RAD54L2: variants seen among roughly 807,000 people sequenced by gnomAD.
RAD54L2 encodes RAD54 like 2.
A neutral mutation model predicts 138.4 loss-of-function variants in RAD54L2; 27 were observed. The ratio of observed to expected loss-of-function variants is 0.20; its 90% confidence interval spans 0.14 to 0.27. RAD54L2 has a LOEUF of 0.27. RAD54L2 is among the 10% of genes least tolerant of loss of function. RAD54L2 has a pLI of 1.00. For missense variants in RAD54L2, 1,396 were observed against 1,890.2 expected (o/e 0.74, Z 4.85); for synonymous variants, 644 against 723.2 (o/e 0.89, Z 1.76).
At chr3:51,609,999 G>C (rs1700293181) in intron 3 of RAD54L2, among the ~76,000 whole-genome samples, 1 of 151,990 alleles carries the variant, frequency 6.6e-6, no homozygotes, top group African/African-American at 2.4e-5. Flanking sequence ...AGCCGGGCGT[G>C]GCGGCAGGCG....
At position 51,666,619 on chromosome 3, in the gene RAD54L2, A is replaced by G. The variant is rs1261450876; in HGVS notation, c.*3199A>G. 1.3e-5 allele frequency: 2 copies of G among 152,230 alleles called. No homozygotes were observed. Among genetic ancestry groups the G allele is most frequent in the East Asian group, 1.9e-4 (1 of 5,204 alleles). 9.4% of individuals were successfully genotyped at this position (152,230 alleles called of 1,614,324 possible). A position where few individuals can be genotyped will look rare whatever the true frequency, so the allele number is the denominator to read the frequency against. ...GATTTCCTTTTCTTAATATATTTGT[A>G]GATAAAAATTGAACAGGGACAAAGT... On this transcript the variant is annotated 3_prime_UTR_variant, in exon 23 of 23. Transcript: ENST00000684192.
At chr3:51,548,683 A>G (rs1698760311) in intron 2 of RAD54L2, among the ~76,000 whole-genome samples, 1 of 152,166 alleles carries the variant, frequency 6.6e-6, no homozygotes, top group Non-Finnish European at 1.5e-5. Context: ...TGTCCTCATA[A>G]GATATTGTTA....
chr3:51,627,813 A>C, intron 4 of RAD54L2, 59 bp downstream of exon 4: 1 of 1,573,132 alleles, frequency 6.4e-7, no homozygotes, highest in South Asian at 1.1e-5. Context: ...CCTTCATCTT[A>C]AGGCTGTCAA....
chr3:51,640,742 C>G (rs1282217282), intron 14 of RAD54L2, among the ~76,000 whole-genome samples: 2 of 152,174 alleles, frequency 1.3e-5, no homozygotes, highest in Non-Finnish European at 2.9e-5. Flanking sequence ...TGGAAGCAGT[C>G]GAGTGATTTT....
At chr3:51,567,941 C>CAAAAA (rs763939768) in intron 2 of RAD54L2, among the ~76,000 whole-genome samples, 1 of 81,688 alleles carries the variant, frequency 1.2e-5, no homozygotes, top group African/African-American at 4.5e-5. Flanking sequence ...GACCCTGTCT[C>CAAAAA]AAAAAAAAAA....
intron 2 of RAD54L2, among the ~76,000 whole-genome samples, chr3:51,575,758 G>A (rs1369643673): frequency 6.6e-6 from 1 of 152,170 alleles, no homozygotes; most frequent in East Asian, 1.9e-4. Flanking sequence ...CTGAGACAAT[G>A]GGGTTTTCTA....
chr3:51,632,429 G>C (rs1700871137), intron 7 of RAD54L2, among the ~76,000 whole-genome samples: 1 of 152,110 alleles, frequency 6.6e-6, no homozygotes, highest in African/African-American at 2.4e-5. Flanking sequence ...AAGTAGCTGG[G>C]ATTACAGTTG....
intron 2 of RAD54L2, among the ~76,000 whole-genome samples, chr3:51,589,665 C>CATATAT (rs34093585): frequency 7.0e-5 from 9 of 127,950 alleles, no homozygotes; most frequent in Admixed American, 2.6e-4. Flanking sequence ...GGACTCTATA[C>CATATAT]ATATATATAT....
intron 3 of RAD54L2, among the ~76,000 whole-genome samples, chr3:51,595,014 G>C (rs940587620): frequency 1.3e-5 from 2 of 151,542 alleles, no homozygotes; most frequent in Non-Finnish European, 2.9e-5. Context: ...ACAGGCACGC[G>C]CCACCACATC....
chr3:51,630,166 C>A (rs1577439705), intron 5 of RAD54L2, 106 bp from the exon 6 acceptor site: 3 of 805,166 alleles, frequency 3.7e-6, no homozygotes. Context: ...TCAGTGGATA[C>A]TCCCCATGAG....
At chr3:51,633,817 C>T (rs1357292735) in intron 8 of RAD54L2, 58 bp downstream of exon 8, 72 of 1,604,800 alleles carry the variant, frequency 4.5e-5, no homozygotes, top group Non-Finnish European at 5.7e-5. Context: ...TGTGTTAATG[C>T]CTTTACTGGG....
rs368101580 is a variant in RAD54L2, at chr3:51,590,465, G to A, written c.45G>A (p.Pro15=). 1.3e-5 allele frequency: 20 copies of A among 1,551,680 alleles called. No individual in the cohort carries two copies. Among genetic ancestry groups the A allele is most frequent in the East Asian group, 2.4e-5 (1 of 40,940 alleles). ...SASGSDPDLD[P]DVELEDAEEE... ...CAGGGAGCGATCCAGACCTGGACCC[G>A]GACGTGGAGCTGGAGGATGCGGAAG... Residue 15 remains proline (P), a synonymous_variant, in exon 3 of 23, where the codon CCG becomes CCA. Transcript: ENST00000684192.
At chr3:51,539,560 T>TA (rs1553670890) in intron 1 of RAD54L2, among the ~76,000 whole-genome samples, 1 of 151,980 alleles carries the variant, frequency 6.6e-6, no homozygotes, top group African/African-American at 2.4e-5. Flanking sequence ...CAGGAGTGAG[T>TA]AGTGGCACAC....
intron 2 of RAD54L2, among the ~76,000 whole-genome samples, chr3:51,548,597 C>T (rs1387232376): frequency 6.6e-6 from 1 of 152,156 alleles, no homozygotes; most frequent in East Asian, 1.9e-4. Flanking sequence ...GCTTGCTTTC[C>T]AGTACACAGA....
intron 2 of RAD54L2, among the ~76,000 whole-genome samples, chr3:51,580,082 G>C (rs1481410481): frequency 6.6e-6 from 1 of 151,914 alleles, no homozygotes; most frequent in Admixed American, 6.6e-5. Context: ...CTAAGGGCTC[G>C]GTATTGCAAC....
chr3:51,614,037 A>G (rs1314624345), intron 3 of RAD54L2, among the ~76,000 whole-genome samples: 1 of 152,186 alleles, frequency 6.6e-6, no homozygotes. Flanking sequence ...CCCAAATGTT[A>G]GTAGTGCTAA....
chr3:51,582,718 G>A (rs932542982), intron 2 of RAD54L2, among the ~76,000 whole-genome samples: 2 of 151,916 alleles, frequency 1.3e-5, no homozygotes, highest in Admixed American at 6.6e-5. Flanking sequence ...TCCTGTAGGG[G>A]TGTGCTATTC....
At position 51,667,667 on chromosome 3, in the gene RAD54L2, G is replaced by T; in HGVS notation, c.*4247G>T. 6.6e-6 allele frequency: 1 copy of T among 152,356 alleles called. No homozygotes were observed. Among genetic ancestry groups the T allele is most frequent in the Non-Finnish European group, 1.5e-5 (1 of 68,086 alleles). The allele number at this position is 152,356 out of a possible 1,614,324, so 9.4% of individuals were successfully genotyped here. A position where few individuals can be genotyped will look rare whatever the true frequency, so the allele number is the denominator to read the frequency against. On this transcript the variant is annotated 3_prime_UTR_variant, in exon 23 of 23. Coordinates refer to ENST00000684192, the MANE Select transcript of RAD54L2 (RefSeq NM_015106.4). Reference sequence around the variant, plus strand: ...ATTTGAGAATGTTGTGCTCTCTATTGGTCACCTTGAGACTCCGTTCCCCTG... The same window carrying T: ...ATTTGAGAATGTTGTGCTCTCTATTTGTCACCTTGAGACTCCGTTCCCCTG...
In RAD54L2 at chr3:51,667,169, CT is replaced by C. The variant is rs79443431; in HGVS notation, c.*3763del. The C allele has an allele frequency of 0.045, 6,378 of 142,784 alleles. 407 individuals carry two copies. The highest frequency in any genetic ancestry group is 0.14 in the African/African-American group (5,636 of 39,272). The allele number at this position is 142,784 out of a possible 1,614,324, so 8.8% of individuals were successfully genotyped here. ...GATATTACCTTCTGCTTCCCACTTC[CT>C]TTTTTTTTTTTTTGAGACAGAGTCT... is the stretch of plus-strand genomic sequence containing the variant. On this transcript the variant is annotated 3_prime_UTR_variant, in exon 23 of 23. Transcript: ENST00000684192.
Sources: gnomAD v4.1 joint callset for allele counts (sites outside exome capture counted in the v4.1 genomes callset) on GRCh38, gnomAD v4.1.1 for gene constraint, MANE v1.5 for transcripts, NCBI Gene and HGNC (gene_info 2026-07-23, HGNC 2026-07-21) for gene names.